Variants in EPHA6 observed in about 807,000 individuals in gnomAD.
EPHA6 encodes the protein EPH receptor A6.
Under a neutral mutation model 112.0 loss-of-function variants are expected in EPHA6, and 50 were observed. The observed-to-expected ratio is 0.45, with a 90% CI of 0.36 to 0.56. The LOEUF is 0.56. EPHA6 is among the 20% of genes least tolerant of loss of function. The pLI is 0.00. For missense variants in EPHA6, 1,280 were observed against 1,417.4 expected (o/e 0.90, Z 1.56); for synonymous variants, 529 against 490.7 (o/e 1.08, Z -1.03).
At chr3:97,741,557 A>G (rs2035505945) in intron 16 of EPHA6, among the ~76,000 whole-genome samples, 1 of 151,996 alleles carries the variant, frequency 6.6e-6, no homozygotes, top group African/African-American at 2.4e-5. Flanking sequence ...CTTAATCCTC[A>G]CTGTTATTAT....
At chr3:97,305,299 A>AC (rs2081269690) in intron 5 of EPHA6, among the ~76,000 whole-genome samples, 1 of 151,626 alleles carries the variant, frequency 6.6e-6, no homozygotes, top group African/African-American at 2.4e-5. Flanking sequence ...AATTAGTTCA[A>AC]CTATTGTGGC....
intron 5 of EPHA6, among the ~76,000 whole-genome samples, chr3:97,281,911 T>C (rs1299587291): frequency 1.3e-5 from 2 of 152,138 alleles, no homozygotes; most frequent in Non-Finnish European, 2.9e-5. Flanking sequence ...ATTTAAACGT[T>C]TTTACAAATC....
intron 5 of EPHA6, among the ~76,000 whole-genome samples, chr3:97,290,092 T>C (rs2108683479): frequency 6.6e-6 from 1 of 152,302 alleles, no homozygotes; most frequent in Admixed American, 6.5e-5. Flanking sequence ...GGGCATTTAG[T>C]ACTGCAAACT....
intron 5 of EPHA6, among the ~76,000 whole-genome samples, chr3:97,259,801 A>AC (rs59076555): frequency 1.4e-5 from 2 of 146,436 alleles, no homozygotes; most frequent in African/African-American, 2.6e-5. Flanking sequence ...AAGAAAGTAT[A>AC]CCTTTTTTTT....
intron 5 of EPHA6, among the ~76,000 whole-genome samples, chr3:97,385,470 C>T (rs1228341197): frequency 1.3e-5 from 2 of 152,056 alleles, no homozygotes; most frequent in African/African-American, 2.4e-5. Context: ...AAAAATTACA[C>T]AGAGATAATC....
At chr3:97,032,153 T>A (rs1187981700) in intron 3 of EPHA6, among the ~76,000 whole-genome samples, 1 of 152,128 alleles carries the variant, frequency 6.6e-6, no homozygotes, top group East Asian at 1.9e-4. Context: ...TGTAGGAACA[T>A]GGATGAAGCT....
chr3:97,035,517 G>A (rs2045057903), intron 3 of EPHA6, among the ~76,000 whole-genome samples: 1 of 151,766 alleles, frequency 6.6e-6, no homozygotes, highest in Non-Finnish European at 1.5e-5. Context: ...AGTATTGCTT[G>A]TTTTTTGATT....
chr3:97,180,445 G>A (rs1050412630), intron 3 of EPHA6, among the ~76,000 whole-genome samples: 1 of 152,104 alleles, frequency 6.6e-6, no homozygotes, highest in Non-Finnish European at 1.5e-5. Flanking sequence ...TGCTTTCCAA[G>A]GCAGATGGAG....
intron 1 of EPHA6, among the ~76,000 whole-genome samples, chr3:96,841,388 G>T (rs2034739803): frequency 6.6e-6 from 1 of 152,078 alleles, no homozygotes; most frequent in Non-Finnish European, 1.5e-5. Flanking sequence ...GGGGCCCCAT[G>T]ATTAATTTTC....
intron 3 of EPHA6, among the ~76,000 whole-genome samples, chr3:97,225,815 G>A (rs2078338038): frequency 2.0e-5 from 3 of 152,142 alleles, no homozygotes; most frequent in South Asian, 2.1e-4. Flanking sequence ...CACCAAATTA[G>A]AATTTTCTTC....
chr3:97,379,837 T>C (rs2085622758), intron 5 of EPHA6, among the ~76,000 whole-genome samples: 1 of 151,784 alleles, frequency 6.6e-6, no homozygotes, highest in African/African-American at 2.4e-5. Context: ...ACTTTATGCT[T>C]TTTGGATATT....
At chr3:96,964,657 C>A (rs953384664) in intron 2 of EPHA6, among the ~76,000 whole-genome samples, 2 of 152,086 alleles carry the variant, frequency 1.3e-5, no homozygotes, top group Non-Finnish European at 2.9e-5. Flanking sequence ...TTATTTATCC[C>A]TAATGATTAT....
chr3:97,755,128 C>T lies in EPHA6; in HGVS notation c.*6427C>T, dbSNP rs991107165. Among the ~76,000 whole-genome samples the T allele has an allele frequency of 1.3e-5, 2 of 152,180 alleles. No homozygotes were observed. Among genetic ancestry groups the T allele is most frequent in the Non-Finnish European group, 2.9e-5 (2 of 68,028 alleles). ...ATTTGTTTCATTATAGAGAAAGTCT[C>T]AAAGAATTCCATTACCCTTAGACAC... is the stretch of plus-strand genomic sequence containing the variant. On this transcript the variant is annotated 3_prime_UTR_variant, in exon 18 of 18. Coordinates refer to ENST00000389672, the MANE Select transcript of EPHA6 (RefSeq NM_001080448.3).
At chr3:97,167,185 G>A (rs960758595) in intron 3 of EPHA6, among the ~76,000 whole-genome samples, 1 of 152,140 alleles carries the variant, frequency 6.6e-6, no homozygotes, top group African/African-American at 2.4e-5. Flanking sequence ...TAAAAAGAAA[G>A]AAAAATTCAG....
At chr3:96,954,773 CTTTTTTTTTTTTTT>C (rs10612575) in intron 2 of EPHA6, among the ~76,000 whole-genome samples, 1 of 72,646 alleles carries the variant, frequency 1.4e-5, no homozygotes, top group South Asian at 5.7e-4. Flanking sequence ...ACTGGTGTGC[CTTTTTTTTTTTTTT>C]TTTTTTTTTT....
intron 10 of EPHA6, among the ~76,000 whole-genome samples, chr3:97,502,832 C>CAAAAA (rs397990595): frequency 1.4e-4 from 5 of 35,898 alleles, no homozygotes; most frequent in Non-Finnish European, 1.9e-4. Flanking sequence ...GACTCTGTCT[C>CAAAAA]AAAAAAAAAA....
chr3:97,464,586 C>T (rs2090995809), intron 7 of EPHA6, among the ~76,000 whole-genome samples: 1 of 152,156 alleles, frequency 6.6e-6, no homozygotes, highest in East Asian at 1.9e-4. Context: ...AGATTTGAAT[C>T]TGCCCCCACC....
At chr3:97,292,993 T>G (rs2080745892) in intron 5 of EPHA6, among the ~76,000 whole-genome samples, 1 of 146,342 alleles carries the variant, frequency 6.8e-6, no homozygotes, top group Admixed American at 6.8e-5. Context: ...ACCCATGGTG[T>G]CTAACTCCTT....
intron 3 of EPHA6, among the ~76,000 whole-genome samples, chr3:96,997,841 A>G (rs1417684212): frequency 6.6e-6 from 1 of 152,018 alleles, no homozygotes; most frequent in African/African-American, 2.4e-5. Flanking sequence ...AAATGGCACC[A>G]ATAGCCTTGC....
Sources: allele counts gnomAD v4.1 joint callset (sites outside exome capture counted in the v4.1 genomes callset), GRCh38; gene constraint gnomAD v4.1.1; transcripts MANE v1.5; gene names NCBI Gene and HGNC (gene_info 2026-07-23, HGNC 2026-07-21).